NEFM: variants seen among roughly 807,000 people sequenced by gnomAD.
NEFM encodes the protein neurofilament medium polypeptide.
A neutral mutation model predicts 48.1 loss-of-function variants in NEFM; 16 were observed. The observed-to-expected ratio is 0.33, with a 90% confidence interval of 0.23 to 0.51. The LOEUF (loss-of-function observed/expected upper bound fraction) is 0.51. Ranked by LOEUF, NEFM falls within the 20% of genes least tolerant of loss-of-function variation. The pLI is 0.98. For synonymous variants in NEFM, 465 were observed against 456.9 expected (o/e 1.02, Z -0.23); for missense variants, 1,107 against 1,136.0 (o/e 0.97, Z 0.37).
chr8:24,917,163 T>A lies in NEFM; in HGVS notation c.1308T>A (p.Ile436=). ...HRPPITISSK[I]QKPKVEAPKL... ...CCCCAATCACAATATCCAGTAAGAT[T>A]CAGAAACCCAAGGTGGAAGCTCCCA... Residue 436 remains isoleucine (I), a synonymous_variant, in exon 3 of 3, where the codon ATT becomes ATA. Coordinates refer to ENST00000221166, the MANE Select transcript of NEFM (RefSeq NM_005382.2). 1 of 1,614,074 alleles carries A rather than the reference T, an allele frequency of 6.2e-7. No individual in the cohort carries two copies. Among genetic ancestry groups the A allele is most frequent in the Non-Finnish European group, 8.5e-7 (1 of 1,180,010 alleles).
Position 24,914,155 on chromosome 8 carries a change from A to T in NEFM, c.362A>T (p.Tyr121Phe). ...RFAGYIEKVH[Y>F]LEQQNKEIEA... ...GCCGGCTACATAGAGAAGGTGCACTACCTGGAGCAGCAGAATAAGGAGATT... is the reference window on the plus strand; with the variant it reads ...GCCGGCTACATAGAGAAGGTGCACTTCCTGGAGCAGCAGAATAAGGAGATT... Residue 121 changes from tyrosine to phenylalanine, a missense_variant, in exon 1 of 3, where the codon TAC (tyrosine) becomes TTC (phenylalanine). Physicochemically the swap from Tyr to Phe is conservative, Grantham distance 22. Around this residue, in one of 3 missense-constraint regions of NEFM, gnomAD observed 186 missense variants for 200.6 expected, o/e 0.93. Transcript: ENST00000221166. 1 of 1,612,826 alleles carries T rather than the reference A, an allele frequency of 6.2e-7. No homozygotes were observed. Among genetic ancestry groups the T allele is most frequent in the Non-Finnish European group, 8.5e-7 (1 of 1,179,766 alleles).
chr8:24,916,939 A>C, intron 2 of NEFM, 122 bp from the exon 3 acceptor site: 1 of 845,146 alleles, frequency 1.2e-6, no homozygotes. Context: ...AATTCATAGA[A>C]TATTCTACTT....
chr8:24,915,983 T>G (rs1442852042), intron 2 of NEFM, among the ~76,000 whole-genome samples: 1 of 152,250 alleles, frequency 6.6e-6, no homozygotes, highest in African/African-American at 2.4e-5. Flanking sequence ...TGCAGATTAA[T>G]CTCAATGCAC....
In NEFM at chr8:24,917,556, A is replaced by G. The variant is rs1802595563; in HGVS notation, c.1701A>G (p.Glu567=). 6.4e-7 allele frequency: 1 copy of G among 1,571,832 alleles called. No homozygotes were observed. Among genetic ancestry groups the G allele is most frequent in the East Asian group, 2.4e-5 (1 of 42,388 alleles). ...GSSEKEEGEQ[E]EGETEAEAEG... ...GTGAAAAAGAGGAAGGTGAGCAGGA[A>G]GAAGGAGAAACAGAAGCTGAAGCTG... Residue 567 remains glutamate (E), a synonymous_variant, in exon 3 of 3, where the codon GAA becomes GAG. Coordinates refer to ENST00000221166, the MANE Select transcript of NEFM (RefSeq NM_005382.2).
intron 1 of NEFM, 160 bp downstream of exon 1, chr8:24,915,033 C>T: frequency 3.6e-6 from 5 of 1,390,726 alleles, no homozygotes; most frequent in Non-Finnish European, 3.7e-6. Context: ...TCAGCGTCCT[C>T]GCCCATCTCA....
In NEFM at chr8:24,917,346, G is replaced by A; in HGVS notation, c.1491G>A (p.Glu497=). The A allele has an allele frequency of 6.2e-7, 1 of 1,608,922 alleles. No homozygotes were observed. Among genetic ancestry groups the A allele is most frequent in the Non-Finnish European group, 8.5e-7 (1 of 1,177,324 alleles). The change falls in exon 3 of 3, where the codon GAG becomes GAA. Residue 497 remains glutamate (E), a synonymous_variant. Transcript: ENST00000221166. The part of the protein sequence containing the change: ...EKKEAAEEKE[E]EPEAEEEEVA... ...AAGAAGCAGCAGAAGAAAAGGAAGA[G>A]GAACCCGAAGCTGAAGAAGAAGAAG...
In NEFM at chr8:24,913,882, C is replaced by G; in HGVS notation, c.89C>G (p.Ser30Cys). 1.9e-6 allele frequency: 3 copies of G among 1,610,910 alleles called. No homozygotes were observed. The highest frequency in any genetic ancestry group is 2.5e-6 in the Non-Finnish European group (3 of 1,179,174). The change falls in exon 1 of 3, where the codon TCC becomes TGC. Residue 30 changes from serine to cysteine, a missense_variant. This residue lies in a region of NEFM where 186 missense variants were observed against 200.6 expected (regional missense o/e 0.93). Coordinates refer to ENST00000221166, the MANE Select transcript of NEFM (RefSeq NM_005382.2). The part of the protein sequence containing the change: ...TRSSFSRVSG[S>C]PSSGFRSQSW... ...TCGAGCTTCAGCCGCGTCAGCGGCT[C>G]CCCGTCCAGTGGCTTCCGCTCGCAG... is the stretch of plus-strand genomic sequence containing the variant.
chr8:24,914,753 C>T lies in NEFM; in HGVS notation c.960C>T (p.Tyr320=). 1.2e-6 allele frequency: 2 copies of T among 1,612,744 alleles called. No homozygotes were observed. Among genetic ancestry groups the T allele is most frequent in the Non-Finnish European group, 8.5e-7 (1 of 1,179,550 alleles). Residue 320 remains tyrosine, a synonymous_variant, in exon 1 of 3, where the codon TAC becomes TAT. Coordinates refer to ENST00000221166, the MANE Select transcript of NEFM (RefSeq NM_005382.2). ...CCGCCAAGGAAGAGATCGCCGAGTA[C>T]CGGCGCCAGCTGCAGTCCAAGAGCA... ...IRSAKEEIAE[Y]RRQLQSKSIE... is the part of the protein sequence containing the mutation.
chr8:24,915,022 A>G (rs2117220668), intron 1 of NEFM, 149 bp downstream of exon 1: 1 of 1,393,312 alleles, frequency 7.2e-7, no homozygotes, highest in Admixed American at 3.6e-5. Flanking sequence ...GTATTTGCGG[A>G]TCAGCGTCCT....
Position 24,918,644 on chromosome 8 carries a change from A to G in NEFM, c.*38A>G. The G allele has an allele frequency of 7.0e-7, 1 of 1,437,392 alleles. No homozygotes were observed. Among genetic ancestry groups the G allele is most frequent in the Non-Finnish European group, 9.7e-7 (1 of 1,026,220 alleles). 89.0% of individuals were successfully genotyped at this position (1,437,392 alleles called of 1,614,324 possible). A position where few individuals can be genotyped will look rare whatever the true frequency, so the allele number is the denominator to read the frequency against. On this transcript the variant is annotated 3_prime_UTR_variant, in exon 3 of 3. Coordinates refer to ENST00000221166, the MANE Select transcript of NEFM (RefSeq NM_005382.2). ...TTGCAAAAGGTTAAGCCATATGACAATTTCAAAATGCATGTGATTGGCAGC... is the reference window on the plus strand; with the variant it reads ...TTGCAAAAGGTTAAGCCATATGACAGTTTCAAAATGCATGTGATTGGCAGC...
Position 24,916,492 on chromosome 8 carries a change from C to A in NEFM, c.1206-569C>A, listed in dbSNP as rs534771532. ...TACCAATAAGGTAGTTATAATATAA[C>A]GAGAATAAATTGCATTTACAGAGCT... On this transcript the variant is annotated intron_variant, in intron 2 of 2. Transcript: ENST00000221166. 1.1e-4 allele frequency among the ~76,000 whole-genome samples: 16 copies of A among 152,148 alleles called. No homozygotes were observed. In the South Asian group the frequency reaches 1.5e-3, roughly 14 times the overall value.
At chr8:24,914,925 C>T in intron 1 of NEFM, 52 bp downstream of exon 1, 2 of 1,538,046 alleles carry the variant, frequency 1.3e-6, no homozygotes, top group Non-Finnish European at 1.7e-6. Context: ...CGCCGCGCGC[C>T]CCCGACACTT....
In NEFM at chr8:24,914,466, C is replaced by T. The variant is rs1284418533; in HGVS notation, c.673C>T (p.Gln225Ter). The T allele has an allele frequency of 6.2e-7, 1 of 1,613,940 alleles. No individual in the cohort carries two copies. Among genetic ancestry groups the T allele is most frequent in the South Asian group, 1.1e-5 (1 of 91,076 alleles). Residue 225 changes from glutamine to a stop codon, truncating the protein, a stop_gained, in exon 1 of 3, where the codon CAG becomes TAG. Coordinates refer to ENST00000221166, the MANE Select transcript of NEFM (RefSeq NM_005382.2). LOFTEE classifies it high-confidence loss of function. ...LVKVELDKKV[Q>*]SLQDEVAFLR... ...CAAGGTGGAGCTGGACAAGAAGGTG[C>T]AGTCGCTGCAGGATGAGGTGGCCTT...
Position 24,914,870 on chromosome 8 carries a change from C to T in NEFM, c.1077C>T (p.Tyr359=). The part of the protein sequence containing the change: ...EERHNHDLSS[Y]QDTIQQLENE... ...GCCACAACCACGACCTCAGCAGCTA[C>T]CAGGTAGGAACCGCGGCTGCGCGGC... The change falls in exon 1 of 3, where the codon TAC becomes TAT. Residue 359 remains tyrosine, a synonymous_variant. Coordinates refer to ENST00000221166, the MANE Select transcript of NEFM (RefSeq NM_005382.2). 6.3e-7 allele frequency: 1 copy of T among 1,589,728 alleles called. No individual in the cohort carries two copies. Among genetic ancestry groups the T allele is most frequent in the Non-Finnish European group, 8.5e-7 (1 of 1,170,022 alleles).
Position 24,915,748 on chromosome 8 carries a change from G to A in NEFM, c.1205+19G>A. On this transcript the variant is annotated intron_variant, in intron 2 of 2. Coordinates refer to ENST00000221166, the MANE Select transcript of NEFM (RefSeq NM_005382.2). ...CGTACAGGTACGATGCTTACTACGT[G>A]CGTGGCCGGAACACTAACCGCAGTG... The A allele has an allele frequency of 6.2e-7, 1 of 1,613,964 alleles. No individual in the cohort carries two copies. Among genetic ancestry groups the A allele is most frequent in the Non-Finnish European group, 8.5e-7 (1 of 1,179,930 alleles).
chr8:24,914,936 G>A, intron 1 of NEFM, 63 bp downstream of exon 1: 1 of 1,518,660 alleles, frequency 6.6e-7, no homozygotes, highest in African/African-American at 1.4e-5. Flanking sequence ...CCCGACACTT[G>A]GGCTCGTGCC....
intron 2 of NEFM, among the ~76,000 whole-genome samples, chr8:24,916,162 A>G (rs533176013): frequency 2.0e-5 from 3 of 152,346 alleles, no homozygotes; most frequent in East Asian, 3.9e-4. Flanking sequence ...TACTATTGCC[A>G]TCATCTGGCT....
At chr8:24,914,972 T>C (rs763045499) in intron 1 of NEFM, 99 bp downstream of exon 1, 5 of 1,429,712 alleles carry the variant, frequency 3.5e-6, no homozygotes, top group East Asian at 2.7e-5. Flanking sequence ...CCGCGCTCCC[T>C]GGTGGCCGCT....
In NEFM at chr8:24,914,414, C is replaced by A; in HGVS notation, c.621C>A (p.Arg207=). ...CTGAGGCGGCCATCCGCGCGCTGCG[C>A]AAAGACATCGAGGAGGCGTCGCTGG... The part of the protein sequence containing the change: ...DDTEAAIRAL[R]KDIEEASLVK... Residue 207 remains arginine (R), a synonymous_variant, in exon 1 of 3, where the codon CGC becomes CGA. Transcript: ENST00000221166. 1 of 1,613,572 alleles carries A rather than the reference C, an allele frequency of 6.2e-7. No homozygotes were observed. The highest frequency in any genetic ancestry group is 1.1e-5 in the South Asian group (1 of 91,078).
Sources: allele counts gnomAD v4.1 joint callset (sites outside exome capture counted in the v4.1 genomes callset), GRCh38; gene constraint gnomAD v4.1.1; regional missense constraint gnomAD v4.1.1; transcripts MANE v1.5; gene names NCBI Gene and HGNC (gene_info 2026-07-23, HGNC 2026-07-21).